RBFOX1: variants seen among roughly 807,000 people sequenced by gnomAD.
The protein encoded by RBFOX1 is RNA binding fox-1 homolog 1, also known as RNA binding protein fox-1 homolog 1.
A neutral mutation model predicts 57.7 loss-of-function variants in RBFOX1; 8 were observed. The ratio of observed to expected loss-of-function variants is 0.14; its 90% CI spans 0.08 to 0.25. The LOEUF (loss-of-function observed/expected upper bound fraction) is 0.25, where lower values mean the gene tolerates loss of function less well. RBFOX1 is among the 10% of genes least tolerant of loss of function. RBFOX1 has a pLI of 1.00. For missense variants in RBFOX1, 611 were observed against 548.5 expected (o/e 1.11, Z -1.14); for synonymous variants, 326 against 222.4 (o/e 1.47, Z -4.15).
In RBFOX1 at chr16:7,574,808, C is replaced by T. The variant is rs117835369; in HGVS notation, c.271-4969C>T. Among the ~76,000 whole-genome samples the T allele has an allele frequency of 2.1e-3, 319 of 152,264 alleles. 3 individuals carry two copies. Among genetic ancestry groups the T allele is most frequent in the Non-Finnish European group, 3.4e-3 (234 of 68,028 alleles). On this transcript the variant is annotated intron_variant, in intron 5 of 15. Coordinates refer to ENST00000550418, the MANE Select transcript of RBFOX1 (RefSeq NM_018723.4). ...CACTCAGTGTTAACCGTCACAACTC[C>T]TATTGACAGATGACAGCCTGACAGG... is the stretch of plus-strand genomic sequence containing the variant.
chr16:6,319,791 C>A (rs1391729435), intron 2 of RBFOX1, among the ~76,000 whole-genome samples: 31 of 152,154 alleles, frequency 2.0e-4, no homozygotes, highest in Admixed American at 2.0e-3. Context: ...GGAACTTAAG[C>A]CTCAGCATGA....
At chr16:6,009,390 C>G (rs1464828713) in intron 4 of RBFOX1, among the ~76,000 whole-genome samples, 3 of 152,168 alleles carry the variant, frequency 2.0e-5, no homozygotes, top group Non-Finnish European at 4.4e-5. Flanking sequence ...AGTTGCCAGT[C>G]TGGGACAAGA....
At chr16:6,916,183 C>G (rs545146339) in intron 3 of RBFOX1, among the ~76,000 whole-genome samples, 3 of 152,074 alleles carry the variant, frequency 2.0e-5, no homozygotes, top group Admixed American at 6.6e-5. Flanking sequence ...ATGCTAAGGA[C>G]TGGAAATAAA....
At chr16:7,309,124 T>C (rs1486066811) in intron 4 of RBFOX1, among the ~76,000 whole-genome samples, 1 of 152,222 alleles carries the variant, frequency 6.6e-6, no homozygotes, top group Non-Finnish European at 1.5e-5. Flanking sequence ...GGCTGCCTGA[T>C]AGAAGAAAGG....
intron 4 of RBFOX1, among the ~76,000 whole-genome samples, chr16:5,999,846 C>G (rs369742050): frequency 0.069 from 7,655 of 110,580 alleles, 506 homozygotes; most frequent in East Asian, 0.39. Flanking sequence ...CCAGCCTGGG[C>G]GACAGAGCGA....
chr16:6,612,721 C>A (rs7195781), intron 2 of RBFOX1, among the ~76,000 whole-genome samples: 4 of 151,260 alleles, frequency 2.6e-5, no homozygotes, highest in African/African-American at 9.7e-5. Flanking sequence ...GTGTGGTGGT[C>A]GGTGTCTGCA....
chr16:7,710,158 C>T (rs573760297), intron 15 of RBFOX1: 3 of 1,028,924 alleles, frequency 2.9e-6, no homozygotes, highest in East Asian at 2.2e-4. Flanking sequence ...AGATCAGATT[C>T]CATACAGCTT....
At chr16:7,655,011 G>C (rs1260773516) in intron 12 of RBFOX1, among the ~76,000 whole-genome samples, 1 of 152,130 alleles carries the variant, frequency 6.6e-6, no homozygotes, top group African/African-American at 2.4e-5. Flanking sequence ...CTGGCTTTCT[G>C]GTGTGTAGAA....
Position 7,387,166 on chromosome 16 carries a change from C to T in RBFOX1, c.28-130981C>T, listed in dbSNP as rs79271446. Among the ~76,000 whole-genome samples the T allele has an allele frequency of 6.3e-3, 956 of 152,206 alleles. 13 individuals are homozygous for T. Among genetic ancestry groups the T allele is most frequent in the African/African-American group, 0.022 (910 of 41,518 alleles). ...TAGATGGTAAAAATTTTGTCCCATT[C>T]TGTAGGTTGCTGAAACAGGCAGTTT... On this transcript the variant is annotated intron_variant, in intron 4 of 15. Coordinates refer to ENST00000550418, the MANE Select transcript of RBFOX1 (RefSeq NM_018723.4).
intron 4 of RBFOX1, among the ~76,000 whole-genome samples, chr16:7,254,947 T>G (rs891765361): frequency 1.3e-5 from 2 of 152,192 alleles, no homozygotes; most frequent in African/African-American, 2.4e-5. Flanking sequence ...CACTCATTAA[T>G]GGCTCAACCG....
At chr16:6,984,776 G>T (rs1415317941) in intron 3 of RBFOX1, among the ~76,000 whole-genome samples, 1 of 152,112 alleles carries the variant, frequency 6.6e-6, no homozygotes, top group South Asian at 2.1e-4. Context: ...GAGTAGCTAA[G>T]ATTAGAGGTG....
intron 7 of RBFOX1, among the ~76,000 whole-genome samples, chr16:7,594,425 A>C (rs993405703): frequency 2.6e-5 from 4 of 152,208 alleles, no homozygotes; most frequent in African/African-American, 4.8e-5. Flanking sequence ...GGGTAAATTT[A>C]TGTGGAAATT....
intron 4 of RBFOX1, among the ~76,000 whole-genome samples, chr16:7,309,206 C>A (rs939648949): frequency 6.6e-6 from 1 of 152,178 alleles, no homozygotes; most frequent in African/African-American, 2.4e-5. Flanking sequence ...TTTCTCTGAT[C>A]TTTTCCGATT....
At chr16:6,024,761 G>A (rs2095154424) in intron 1 of RBFOX1, among the ~76,000 whole-genome samples, 1 of 152,212 alleles carries the variant, frequency 6.6e-6, no homozygotes, top group Non-Finnish European at 1.5e-5. Context: ...TAGGATTACA[G>A]GCGTGAGCCA....
chr16:6,523,462 A>G (rs1386182780), intron 2 of RBFOX1, among the ~76,000 whole-genome samples: 1 of 152,030 alleles, frequency 6.6e-6, no homozygotes, highest in Non-Finnish European at 1.5e-5. Context: ...GCAGTGAAGA[A>G]CTCTGAAGGC....
intron 3 of RBFOX1, among the ~76,000 whole-genome samples, chr16:7,034,827 C>CTTTTTTTTTTATTTTTTTTTTATTTTT (rs2043823517): frequency 1.8e-5 from 1 of 54,114 alleles, no homozygotes; most frequent in African/African-American, 8.9e-5. Context: ...TATTGCATTA[C>CTTTTTTTTTTATTTTTTTTTTATTTTT]TTTTTTTTTT....
At chr16:5,901,380 G>A (rs2058301862) in intron 4 of RBFOX1, among the ~76,000 whole-genome samples, 1 of 152,302 alleles carries the variant, frequency 6.6e-6, no homozygotes, top group South Asian at 2.1e-4. Flanking sequence ...ACTTCCCAGA[G>A]CTGAGCAATG....
At chr16:6,457,449 G>A (rs1350631138) in intron 2 of RBFOX1, among the ~76,000 whole-genome samples, 2 of 73,138 alleles carry the variant, frequency 2.7e-5, no homozygotes, top group Non-Finnish European at 7.4e-5. Context: ...CCCCCCCCCC[G>A]CAATAGCTTT....
At chr16:5,890,140 G>C (rs1449103057) in intron 4 of RBFOX1, among the ~76,000 whole-genome samples, 1 of 152,162 alleles carries the variant, frequency 6.6e-6, no homozygotes, top group Non-Finnish European at 1.5e-5. Flanking sequence ...ATATGAGCTT[G>C]GGGATGAGAC....
Sources: allele counts gnomAD v4.1 joint callset (sites outside exome capture counted in the v4.1 genomes callset), GRCh38; gene constraint gnomAD v4.1.1; transcripts MANE v1.5; gene names NCBI Gene and HGNC (gene_info 2026-07-23, HGNC 2026-07-21).